Variants in MYBPC2 observed in about 807,000 individuals in gnomAD.
The protein encoded by MYBPC2 is myosin binding protein C2, also known as myosin-binding protein C, fast-type.
In MYBPC2, 122 loss-of-function variants were observed where a neutral mutation model predicts 137.0. The observed-to-expected ratio is 0.89, with a 90% CI of 0.77 to 1.03. The LOEUF (loss-of-function observed/expected upper bound fraction) is 1.03. MYBPC2 is among the 50% of genes least tolerant of loss of function. MYBPC2 has a pLI of 0.00. For synonymous variants in MYBPC2, 626 were observed against 612.3 expected (o/e 1.02, Z -0.33); for missense variants, 1,500 against 1,534.4 (o/e 0.98, Z 0.37).
At chr19:50,464,615 C>T (rs866682408) in intron 27 of MYBPC2, 83 bp downstream of exon 27, 23 of 1,417,816 alleles carry the variant, frequency 1.6e-5, no homozygotes, top group Middle Eastern at 2.5e-4. Context: ...GGCTGAGCAC[C>T]GCTGAGATCT....
chr19:50,435,522 G>T lies in MYBPC2; in HGVS notation c.110-254G>T, dbSNP rs1421890543. Among the ~76,000 whole-genome samples the T allele has an allele frequency of 1.3e-5, 2 of 152,204 alleles. No homozygotes were observed. Among genetic ancestry groups the T allele is most frequent in the African/African-American group, 4.8e-5 (2 of 41,452 alleles). The stretch of plus-strand genomic sequence containing the variant: ...TCTCTAAACCTCTCCCGCCCCAAAG[G>T]CACATTCAGTGCCCTCCAGTCCACA... On this transcript the variant is annotated intron_variant, in intron 2 of 27. Coordinates refer to ENST00000357701, the MANE Select transcript of MYBPC2 (RefSeq NM_004533.4). The surrounding 1 kb of genome is among the most constrained non-coding windows in gnomAD (Gnocchi z 4.8).
chr19:50,443,829 T>G lies in MYBPC2; in HGVS notation c.1133+13T>G. 6.2e-7 allele frequency: 1 copy of G among 1,605,884 alleles called. No individual in the cohort carries two copies. Among genetic ancestry groups the G allele is most frequent in the South Asian group, 1.1e-5 (1 of 90,622 alleles). On this transcript the variant is annotated intron_variant, in intron 11 of 27. Coordinates refer to ENST00000357701, the MANE Select transcript of MYBPC2 (RefSeq NM_004533.4). The stretch of plus-strand genomic sequence containing the variant: ...CCCAGGTGATGTGGTAAGTGACCCT[T>G]GATCCCTGATCTCCATACAGGTGCA...
chr19:50,452,099 G>A (rs2039864559), intron 16 of MYBPC2, 96 bp downstream of exon 16: 1 of 1,329,944 alleles, frequency 7.5e-7, no homozygotes, highest in African/African-American at 1.5e-5. Flanking sequence ...AAATGAGGGT[G>A]ATGGTTCCTT....
chr19:50,453,012 C>T (rs2039875070), intron 16 of MYBPC2, among the ~76,000 whole-genome samples: 1 of 152,222 alleles, frequency 6.6e-6, no homozygotes. Context: ...CATTTGCTCA[C>T]TCAGCGTACA....
chr19:50,450,537 G>A (rs1335027964), intron 13 of MYBPC2, among the ~76,000 whole-genome samples: 2 of 152,132 alleles, frequency 1.3e-5, no homozygotes, highest in Admixed American at 1.3e-4. Flanking sequence ...CCAAAGTGCT[G>A]GGATTACAGA....
chr19:50,451,552 G>A (rs1220887098), intron 15 of MYBPC2, among the ~76,000 whole-genome samples: 3 of 150,318 alleles, frequency 2.0e-5, no homozygotes. Context: ...AGGGAAGAGG[G>A]ATTGGGGACC....
chr19:50,461,428 A>AT (rs1286767145), intron 24 of MYBPC2, 114 bp from the exon 25 acceptor site: 44 of 1,180,130 alleles, frequency 3.7e-5, no homozygotes, highest in Middle Eastern at 2.5e-4. Context: ...CATGAGTGAC[A>AT]TTTTTTTAAA....
In MYBPC2 at chr19:50,458,999, C is replaced by T. The variant is rs1052615496; in HGVS notation, c.2588C>T (p.Pro863Leu). 7 of 1,610,890 alleles carry T rather than the reference C, an allele frequency of 4.3e-6. No individual in the cohort carries two copies. In the Admixed American group the frequency reaches 5.0e-5, roughly 12 times the overall value. ...KVGEQLNLVV[P>L]FQGKPRPQVV... The stretch of plus-strand genomic sequence containing the variant: ...GGCGAGCAGCTCAACCTTGTCGTCC[C>T]CTTCCAGGTCAGGGGAGCGGGGTCA... Residue 863 changes from proline (P) to leucine (L), a missense_variant, in exon 22 of 28, where the codon CCC (proline) becomes CTC (leucine). By Grantham distance (98) the Pro-to-Leu change is moderately conservative. Coordinates refer to ENST00000357701, the MANE Select transcript of MYBPC2 (RefSeq NM_004533.4).
chr19:50,437,761 G>T (rs932916448), intron 7 of MYBPC2, 43 bp downstream of exon 7: 36 of 1,571,420 alleles, frequency 2.3e-5, no homozygotes, highest in Admixed American at 7.4e-5. Context: ...TGGGACTCAA[G>T]GGGAGGAGGT....
intron 4 of MYBPC2, among the ~76,000 whole-genome samples, 184 bp from the exon 5 acceptor site, chr19:50,436,433 C>A (rs960555936): frequency 6.6e-6 from 1 of 152,184 alleles, no homozygotes; most frequent in African/African-American, 2.4e-5. Context: ...CCCAGAAGTC[C>A]TGATGGGTCA....
intron 14 of MYBPC2, 134 bp downstream of exon 14, chr19:50,451,069 A>G: frequency 9.8e-7 from 1 of 1,017,646 alleles, no homozygotes; most frequent in South Asian, 1.5e-5. Context: ...TGTCCCGCTC[A>G]TGGCTGGAGT....
Position 50,455,101 on chromosome 19 carries a change from C to G in MYBPC2, c.2015-7C>G, listed in dbSNP as rs963527901. Reference sequence around the variant, plus strand: ...TCCCTCTTCTCCTCTCTGCTTGGAGCCTCCAGGGTACCTCGTAGAGCGGAA... The same window carrying G: ...TCCCTCTTCTCCTCTCTGCTTGGAGGCTCCAGGGTACCTCGTAGAGCGGAA... On this transcript the variant is annotated splice_polypyrimidine_tract_variant and splice_region_variant and intron_variant, in intron 18 of 27. Transcript: ENST00000357701. 18 of 1,605,826 alleles carry G rather than the reference C, an allele frequency of 1.1e-5. No homozygotes were observed. The highest frequency in any genetic ancestry group is 1.4e-5 in the Non-Finnish European group (17 of 1,175,818).
chr19:50,442,334 C>G (rs751997377), intron 9 of MYBPC2, 21 bp downstream of exon 9: 1 of 1,604,916 alleles, frequency 6.2e-7, no homozygotes, highest in South Asian at 1.1e-5. Flanking sequence ...GGTGGGCAGT[C>G]CCTGCACCGG....
Position 50,436,649 on chromosome 19 carries a change from G to A in MYBPC2, c.378G>A (p.Val126=), listed in dbSNP as rs1409466207. The A allele has an allele frequency of 1.9e-6, 3 of 1,613,976 alleles. No individual in the cohort carries two copies. Among genetic ancestry groups the A allele is most frequent in the Admixed American group, 3.3e-5 (2 of 60,026 alleles). ...VYTVELHIGK[V]VLGDRGYYRL... ...CCGTGGAGCTGCACATTGGGAAGGTGGTACTGGGGGACCGTGGGTATTACC... is the reference window on the plus strand; with the variant it reads ...CCGTGGAGCTGCACATTGGGAAGGTAGTACTGGGGGACCGTGGGTATTACC... Residue 126 remains valine (V), a synonymous_variant, in exon 5 of 28, where the codon GTG becomes GTA. Transcript: ENST00000357701.
chr19:50,463,234 C>T lies in MYBPC2; in HGVS notation c.3229-1112C>T, dbSNP rs117357397. ...AATGTAAATAAATGTGCGTGGCTCG[C>T]GTTCCAGGCCCAGAGACTACAGGGC... On this transcript the variant is annotated intron_variant, in intron 26 of 27. Transcript: ENST00000357701. Among the ~76,000 whole-genome samples, 411 of 152,304 alleles carry T rather than the reference C, an allele frequency of 2.7e-3. 1 individual carries two copies. Among genetic ancestry groups the T allele is most frequent in the Middle Eastern group, 6.8e-3 (2 of 294 alleles).
chr19:50,465,602 G>A lies in MYBPC2; in HGVS notation c.3416-593G>A, dbSNP rs932250918. ...CTCGCCTGTAATCCCAGCACATTGGGAGGCCAAGGCAGGCGAGTTGCTTGA... is the reference window on the plus strand; with the variant it reads ...CTCGCCTGTAATCCCAGCACATTGGAAGGCCAAGGCAGGCGAGTTGCTTGA... On this transcript the variant is annotated intron_variant, in intron 27 of 27. Transcript: ENST00000357701. This position sits in a 1 kb window ranked among gnomAD's most constrained non-coding sequence, Gnocchi z 4.5. 3.3e-5 allele frequency among the ~76,000 whole-genome samples: 5 copies of A among 152,218 alleles called. No homozygotes were observed. Among genetic ancestry groups the A allele is most frequent in the African/African-American group, 1.2e-4 (5 of 41,458 alleles).
At chr19:50,443,845 T>G (rs1210704018) in intron 11 of MYBPC2, 29 bp downstream of exon 11, 1 of 1,588,660 alleles carries the variant, frequency 6.3e-7, no homozygotes, top group Non-Finnish European at 8.6e-7. Flanking sequence ...CTGATCTCCA[T>G]ACAGGTGCAC....
In MYBPC2 at chr19:50,466,316, T is replaced by G; in HGVS notation, c.*111T>G. The G allele has an allele frequency of 2.1e-6, 3 of 1,462,720 alleles. No individual in the cohort carries two copies. Among genetic ancestry groups the G allele is most frequent in the Non-Finnish European group, 2.8e-6 (3 of 1,057,782 alleles). 90.6% of individuals were successfully genotyped at this position (1,462,720 alleles called of 1,614,324 possible). Reference sequence around the variant, plus strand: ...TTTCGCTGAGAACAAAACAGTGTTGTCTGGACCCTGGAGTGTCTGTCCTTC... The same window carrying G: ...TTTCGCTGAGAACAAAACAGTGTTGGCTGGACCCTGGAGTGTCTGTCCTTC... On this transcript the variant is annotated 3_prime_UTR_variant, in exon 28 of 28. Transcript: ENST00000357701. The surrounding 1 kb of genome is among the most constrained non-coding windows in gnomAD (Gnocchi z 4.9).
intron 18 of MYBPC2, 47 bp downstream of exon 18, chr19:50,454,416 TTCTG>T (rs1174942773): frequency 2.4e-5 from 29 of 1,200,562 alleles, no homozygotes; most frequent in South Asian, 3.3e-5. Flanking sequence ...TCTTTCTGCC[TTCTG>T]TTTTTTTTTT....
Sources: allele counts gnomAD v4.1 joint callset (sites outside exome capture counted in the v4.1 genomes callset), GRCh38; gene constraint gnomAD v4.1.1; non-coding constraint Gnocchi (gnomAD v3.1); transcripts MANE v1.5; gene names NCBI Gene and HGNC (gene_info 2026-07-23, HGNC 2026-07-21).